Variants in KATNIP observed in about 807,000 individuals in gnomAD.
KATNIP encodes the protein katanin-interacting protein.
KATNIP carries 126 observed loss-of-function variants against 174.0 expected under a neutral mutation model. The ratio of observed to expected loss-of-function variants is 0.72; its 90% CI spans 0.63 to 0.84. The LOEUF is 0.84. Ranked by LOEUF, KATNIP falls within the 40% of genes least tolerant of loss-of-function variation. The pLI is 0.00. For synonymous variants in KATNIP, 810 were observed against 835.7 expected, an observed-to-expected ratio of 0.97 and a Z score of 0.53; for missense variants, 1,958 against 2,109.7, an observed-to-expected ratio of 0.93 and a Z score of 1.41.
intron 2 of KATNIP, among the ~76,000 whole-genome samples, chr16:27,613,772 C>T (rs915649943): frequency 1.3e-5 from 2 of 152,190 alleles, no homozygotes; most frequent in Admixed American, 1.3e-4. Context: ...GACCCACTCT[C>T]CTGAAATCCA....
At chr16:27,588,347 T>C (rs932305752) in intron 2 of KATNIP, among the ~76,000 whole-genome samples, 1 of 152,168 alleles carries the variant, frequency 6.6e-6, no homozygotes, top group Non-Finnish European at 1.5e-5. Context: ...TTTATGAATT[T>C]TTATATATAA....
intron 8 of KATNIP, among the ~76,000 whole-genome samples, chr16:27,683,950 G>A (rs769836966): frequency 6.6e-6 from 1 of 152,142 alleles, no homozygotes; most frequent in African/African-American, 2.4e-5. Context: ...GCCACTGCAC[G>A]AACCCCCCTA....
chr16:27,590,566 G>A (rs1410533313), intron 2 of KATNIP, among the ~76,000 whole-genome samples: 1 of 152,202 alleles, frequency 6.6e-6, no homozygotes, highest in Non-Finnish European at 1.5e-5. Context: ...TTGGTCTTGT[G>A]AGCACAGGGT....
intron 14 of KATNIP, among the ~76,000 whole-genome samples, chr16:27,730,297 G>A (rs2080620005): frequency 6.6e-6 from 1 of 152,196 alleles, no homozygotes; most frequent in African/African-American, 2.4e-5. Context: ...AAATTGGGAG[G>A]TTTTGCATGA....
At chr16:27,566,227 G>A (rs1180530657) in intron 1 of KATNIP, among the ~76,000 whole-genome samples, 1 of 152,036 alleles carries the variant, frequency 6.6e-6, no homozygotes, top group African/African-American at 2.4e-5. Context: ...AACACTATAG[G>A]TAGAAGCCAG....
intron 2 of KATNIP, among the ~76,000 whole-genome samples, chr16:27,597,517 C>T (rs1379005248): frequency 7.4e-6 from 1 of 135,394 alleles, no homozygotes; most frequent in Non-Finnish European, 1.5e-5. Context: ...GGCTATGTGT[C>T]TTGGAGATCT....
intron 1 of KATNIP, among the ~76,000 whole-genome samples, chr16:27,562,628 A>G (rs550792286): frequency 9.2e-5 from 14 of 152,286 alleles, no homozygotes; most frequent in African/African-American, 2.2e-4. Context: ...CTCATACACT[A>G]TGGGGAACTG....
intron 13 of KATNIP, among the ~76,000 whole-genome samples, chr16:27,720,218 G>C (rs1337967450): frequency 6.6e-6 from 1 of 152,078 alleles, no homozygotes; most frequent in Non-Finnish European, 1.5e-5. Context: ...CGCCTCCTGA[G>C]TAGCTGGGAT....
chr16:27,587,346 C>T (rs2090941894), intron 2 of KATNIP, among the ~76,000 whole-genome samples: 1 of 152,210 alleles, frequency 6.6e-6, no homozygotes, highest in Admixed American at 6.5e-5. Context: ...GGTAGGGAGG[C>T]AGGGTTGGTG....
intron 6 of KATNIP, among the ~76,000 whole-genome samples, chr16:27,649,172 G>A (rs1022536449): frequency 2.0e-5 from 3 of 152,244 alleles, no homozygotes; most frequent in African/African-American, 2.4e-5. Context: ...CTGTCCACAC[G>A]TGTATACATG....
At chr16:27,641,387 C>G (rs2076792377) in intron 5 of KATNIP, among the ~76,000 whole-genome samples, 1 of 152,140 alleles carries the variant, frequency 6.6e-6, no homozygotes, top group Non-Finnish European at 1.5e-5. Flanking sequence ...TTCCGCCACC[C>G]TGCTACCACA....
chr16:27,698,817 A>G (rs920135263), intron 9 of KATNIP, among the ~76,000 whole-genome samples: 1 of 152,222 alleles, frequency 6.6e-6, no homozygotes, highest in Non-Finnish European at 1.5e-5. Flanking sequence ...TCAGTGAAGA[A>G]TGGAGTCAAC....
intron 6 of KATNIP, among the ~76,000 whole-genome samples, chr16:27,650,183 G>A (rs1006209422): frequency 8.1e-6 from 1 of 123,294 alleles, no homozygotes; most frequent in East Asian, 2.4e-4. Flanking sequence ...AAAAAAAAAA[G>A]GAGTGGCTTG....
chr16:27,698,508 C>G lies in KATNIP; in HGVS notation c.1113+8C>G, dbSNP rs1302064630. On this transcript the variant is annotated splice_region_variant and intron_variant, in intron 9 of 27. Coordinates refer to ENST00000261588, the MANE Select transcript of KATNIP (RefSeq NM_015202.5). ...CCAGCCAGCCCACTGCAGGTGCGCT[C>G]CGGGCTGGGAGAGGAACCGGGGGAT... 1 of 1,597,778 alleles carries G rather than the reference C, an allele frequency of 6.3e-7. No homozygotes were observed. The highest frequency in any genetic ancestry group is 1.3e-5 in the African/African-American group (1 of 74,562).
chr16:27,734,391 TA>T (rs1241815770), intron 14 of KATNIP, among the ~76,000 whole-genome samples: 23 of 138,596 alleles, frequency 1.7e-4, no homozygotes, highest in African/African-American at 5.5e-4. Context: ...CATAGGGACT[TA>T]TTTAAAAAAA....
In KATNIP at chr16:27,637,282, T is replaced by G. The variant is rs1042564631; in HGVS notation, c.408+6120T>G. 5.9e-5 allele frequency among the ~76,000 whole-genome samples: 9 copies of G among 152,192 alleles called. No homozygotes were observed. The highest frequency in any genetic ancestry group is 1.0e-4 in the Non-Finnish European group (7 of 68,040). The stretch of plus-strand genomic sequence containing the variant: ...GCTCACTCATACTTTACTTCTTTCA[T>G]TCCGTGCTCATGTATTGAGCACATA... On this transcript the variant is annotated intron_variant, in intron 5 of 27. Coordinates refer to ENST00000261588, the MANE Select transcript of KATNIP (RefSeq NM_015202.5). The surrounding 1 kb of genome is among the most constrained non-coding windows in gnomAD (Gnocchi z 4.7).
At chr16:27,709,137 G>A (rs986820561) in intron 13 of KATNIP, 14 of 481,576 alleles carry the variant, frequency 2.9e-5, no homozygotes, top group African/African-American at 1.7e-4. Context: ...TGGGCAACAA[G>A]GCAAAACCCT....
intron 2 of KATNIP, among the ~76,000 whole-genome samples, chr16:27,612,471 C>T (rs1417717593): frequency 6.6e-6 from 1 of 152,124 alleles, no homozygotes; most frequent in African/African-American, 2.4e-5. Flanking sequence ...GAAATGCAGA[C>T]TTGGGGCCAG....
At chr16:27,635,567 C>T (rs2076607913) in intron 5 of KATNIP, among the ~76,000 whole-genome samples, 1 of 151,726 alleles carries the variant, frequency 6.6e-6, no homozygotes, top group African/African-American at 2.4e-5. Flanking sequence ...TATTGATACC[C>T]AGCAGGGCCC....
Sources: gnomAD v4.1 joint callset for allele counts (sites outside exome capture counted in the v4.1 genomes callset) on GRCh38, gnomAD v4.1.1 for gene constraint, Gnocchi (gnomAD v3.1) non-coding constraint, MANE v1.5 for transcripts, NCBI Gene and HGNC (gene_info 2026-07-23, HGNC 2026-07-21) for gene names.